KIF1A: variants seen among roughly 807,000 people sequenced by gnomAD.
KIF1A encodes the protein kinesin-like protein KIF1A.
KIF1A carries 46 observed loss-of-function variants against 227.3 expected under a neutral mutation model. The observed-to-expected ratio is 0.20, with a 90% confidence interval of 0.16 to 0.26. The LOEUF (loss-of-function observed/expected upper bound fraction) is 0.26. Among genes scored for constraint, KIF1A ranks in the 10% least tolerant of loss-of-function variants. KIF1A has a pLI of 1.00. For missense variants in KIF1A, 1,683 were observed against 2,485.9 expected, an observed-to-expected ratio of 0.68 and a Z score of 6.87; for synonymous variants, 1,022 against 1,012.8, an observed-to-expected ratio of 1.01 and a Z score of -0.17.
In KIF1A at chr2:240,770,879, G is replaced by A. The variant is rs985860441; in HGVS notation, c.1341+92C>T. On this transcript the variant is annotated intron_variant, in intron 15 of 48. Coordinates refer to ENST00000498729, the MANE Select transcript of KIF1A (RefSeq NM_001244008.2). The stretch of plus-strand genomic sequence containing the variant: ...CTCCACAATGGCCCTATGAGGATGG[G>A]CTGTACCCAGGAGGGCAGGGTGCCT... The A allele has an allele frequency of 8.8e-6, 13 of 1,469,964 alleles. No individual in the cohort carries two copies. In the African/African-American group the frequency reaches 1.8e-4, roughly 20 times the overall value. The allele number at this position is 1,469,964 out of a possible 1,614,324, so 91.1% of individuals were successfully genotyped here.
rs185575619 is a variant in KIF1A, at chr2:240,775,239, G to A, written c.958+612C>T. Among the ~76,000 whole-genome samples the A allele has an allele frequency of 1.3e-5, 2 of 152,298 alleles. No homozygotes were observed. Among genetic ancestry groups the A allele is most frequent in the African/African-American group, 2.4e-5 (1 of 41,576 alleles). The stretch of plus-strand genomic sequence containing the variant: ...AGGGCTCTGCACACCTCAGCCATGC[G>A]GCTGAGGGAGGCCAGGGACCCCCAG... On this transcript the variant is annotated intron_variant, in intron 11 of 48. Transcript: ENST00000498729. This position sits in a 1 kb window ranked among gnomAD's most constrained non-coding sequence, Gnocchi z 5.5.
intron 27 of KIF1A, among the ~76,000 whole-genome samples, chr2:240,750,809 G>A (rs951556793): frequency 6.6e-5 from 10 of 151,412 alleles, no homozygotes; most frequent in South Asian, 4.2e-4. Flanking sequence ...AGCTGGGCCC[G>A]GACCTGGCTG....
intron 1 of KIF1A, among the ~76,000 whole-genome samples, chr2:240,805,774 A>C (rs1238128826): frequency 6.6e-6 from 1 of 152,256 alleles, no homozygotes; most frequent in Non-Finnish European, 1.5e-5. Flanking sequence ...GTATAAAATG[A>C]ATCATGTAAT....
chr2:240,801,835 T>G (rs1365733677), intron 1 of KIF1A, among the ~76,000 whole-genome samples: 1 of 152,214 alleles, frequency 6.6e-6, no homozygotes, highest in Non-Finnish European at 1.5e-5. Flanking sequence ...CCTCCAGAAC[T>G]GTGAAAAATA....
Position 240,745,823 on chromosome 2 carries a change from G to C in KIF1A, c.3289C>G (p.Leu1097Val). Residue 1097 changes from leucine to valine, a missense_variant, in exon 31 of 49, where the codon CTG (leucine) becomes GTG (valine). Physicochemically the swap from Leu to Val is conservative, Grantham distance 32. Around this residue, in one of 12 missense-constraint regions of KIF1A, gnomAD observed 759 missense variants for 1,020.2 expected, o/e 0.74. Coordinates refer to ENST00000498729, the MANE Select transcript of KIF1A (RefSeq NM_001244008.2). ...PLDAALDHLR[L>V]GNTFTFRVTV... Reference sequence around the variant, plus strand: ...ACACGGAAGGTGAAGGTGTTGCCCAGGCGGAGGTGGTCCAGGGCAGCATCC... The same window carrying C: ...ACACGGAAGGTGAAGGTGTTGCCCACGCGGAGGTGGTCCAGGGCAGCATCC... 6.2e-7 allele frequency: 1 copy of C among 1,612,938 alleles called. No individual in the cohort carries two copies. Among genetic ancestry groups the C allele is most frequent in the Non-Finnish European group, 8.5e-7 (1 of 1,179,686 alleles).
intron 17 of KIF1A, among the ~76,000 whole-genome samples, 184 bp from the exon 18 acceptor site, chr2:240,767,529 G>A (rs1034999368): frequency 2.6e-5 from 4 of 152,212 alleles, no homozygotes; most frequent in Non-Finnish European, 4.4e-5. Context: ...AGCTCAAGCC[G>A]AAGGCCCAGC....
intron 12 of KIF1A, among the ~76,000 whole-genome samples, chr2:240,773,835 A>T (rs1420907969): frequency 6.6e-6 from 1 of 151,258 alleles, no homozygotes; most frequent in African/African-American, 2.4e-5. Flanking sequence ...CCCATAAGAC[A>T]CACCTATGTC....
chr2:240,749,930 C>T (rs2049022107), intron 28 of KIF1A, among the ~76,000 whole-genome samples: 1 of 152,144 alleles, frequency 6.6e-6, no homozygotes, highest in African/African-American at 2.4e-5. Context: ...TGAGCAGGGC[C>T]CAGGGGCCAG....
chr2:240,798,171 G>A (rs992094250), intron 1 of KIF1A: 3 of 178,806 alleles, frequency 1.7e-5, no homozygotes. Flanking sequence ...CCAGGTCCGC[G>A]CAGGCCCCAA....
chr2:240,816,330 ATGTG>A (rs1204493111), intron 1 of KIF1A, among the ~76,000 whole-genome samples: 1 of 151,652 alleles, frequency 6.6e-6, no homozygotes, highest in Non-Finnish European at 1.5e-5. Flanking sequence ...GTGTGCGTGC[ATGTG>A]TGTGTCAGTG....
intron 27 of KIF1A, 44 bp from the exon 28 acceptor site, chr2:240,750,591 C>T (rs1286872976): frequency 7.0e-7 from 1 of 1,423,280 alleles, no homozygotes; most frequent in Admixed American, 1.7e-5. Context: ...CCCCTCCACG[C>T]ATGTTCTGAA....
At position 240,789,472 on chromosome 2, in the gene KIF1A, T is replaced by G. The variant is rs186876915; in HGVS notation, c.107-160A>C. ...ACCTAGGACCCCACTCCCAGGCAGA[T>G]GAGCTGTCTCTGCCCCCTCCTTATG... is the stretch of plus-strand genomic sequence containing the variant. On this transcript the variant is annotated intron_variant, in intron 2 of 48. Transcript: ENST00000498729. This position sits in a 1 kb window ranked among gnomAD's most constrained non-coding sequence, Gnocchi z 4.8. Among the ~76,000 whole-genome samples the G allele has an allele frequency of 6.6e-6, 1 of 152,176 alleles. No individual in the cohort carries two copies. Among genetic ancestry groups the G allele is most frequent in the Non-Finnish European group, 1.5e-5 (1 of 68,016 alleles).
In KIF1A at chr2:240,758,121, G is replaced by A; in HGVS notation, c.2582+239C>T. On this transcript the variant is annotated intron_variant, in intron 26 of 48. Transcript: ENST00000498729. The surrounding 1 kb of genome is among the most constrained non-coding windows in gnomAD (Gnocchi z 5.2). The stretch of plus-strand genomic sequence containing the variant: ...GTTCTGGCGGCTACAGCCCTGCAGT[G>A]GGTTTGGGTGGCAGTGCCAAGACCC... Among the ~76,000 whole-genome samples the A allele has an allele frequency of 6.6e-6, 1 of 152,224 alleles. No homozygotes were observed. The highest frequency in any genetic ancestry group is 2.1e-4 in the South Asian group (1 of 4,824).
Position 240,734,389 on chromosome 2 carries a change from G to A in KIF1A, c.4007+2674C>T, listed in dbSNP as rs1386949615. ...TCCACAGGGCAGGGTGTGGCGCGGGGCAGGCAAGGCTGGGGCAGGAGGAGC... is the reference window on the plus strand; with the variant it reads ...TCCACAGGGCAGGGTGTGGCGCGGGACAGGCAAGGCTGGGGCAGGAGGAGC... On this transcript the variant is annotated intron_variant, in intron 38 of 48. Transcript: ENST00000498729. 2.0e-5 allele frequency among the ~76,000 whole-genome samples: 3 copies of A among 152,174 alleles called. No individual in the cohort carries two copies. In the East Asian group the frequency reaches 5.8e-4, roughly 29 times the overall value.
In KIF1A at chr2:240,745,851, G is replaced by A. The variant is rs867906794; in HGVS notation, c.3261C>T (p.Pro1087=). The A allele has an allele frequency of 1.9e-6, 3 of 1,612,534 alleles. No individual in the cohort carries two copies. Among genetic ancestry groups the A allele is most frequent in the Non-Finnish European group, 2.5e-6 (3 of 1,179,482 alleles). Reference sequence around the variant, plus strand: ...GGAGGTGGTCCAGGGCAGCATCCAGGGGCCCATCCAGGGCGGCTTTCTCAG... The same window carrying A: ...GGAGGTGGTCCAGGGCAGCATCCAGAGGCCCATCCAGGGCGGCTTTCTCAG... ...DSSEKAALDG[P]LDAALDHLRL... Residue 1087 remains proline (P), a synonymous_variant, in exon 31 of 49, where the codon CCC becomes CCT. Transcript: ENST00000498729.
intron 1 of KIF1A, among the ~76,000 whole-genome samples, chr2:240,813,596 A>G (rs2058116298): frequency 6.6e-6 from 1 of 152,052 alleles, no homozygotes; most frequent in Non-Finnish European, 1.5e-5. Flanking sequence ...CCTCATTCTG[A>G]TATGCAGGGG....
At position 240,740,147 on chromosome 2, in the gene KIF1A, C is replaced by T; in HGVS notation, c.3817-5G>A. 6.3e-7 allele frequency: 1 copy of T among 1,589,248 alleles called. No individual in the cohort carries two copies. Among genetic ancestry groups the T allele is most frequent in the African/African-American group, 1.3e-5 (1 of 74,494 alleles). On this transcript the variant is annotated splice_polypyrimidine_tract_variant and splice_region_variant and intron_variant, in intron 36 of 48. Transcript: ENST00000498729. The surrounding 1 kb of genome is among the most constrained non-coding windows in gnomAD (Gnocchi z 6.1). ...CGTAATCCGTCGCTGGATGCCCTGC[C>T]GGTGCCAGGTGAGAGGATATGGTCA... is the stretch of plus-strand genomic sequence containing the variant.
chr2:240,769,335 C>A, intron 16 of KIF1A, 127 bp from the exon 17 acceptor site: 1 of 762,980 alleles, frequency 1.3e-6, no homozygotes. Flanking sequence ...ATGCGTGTCC[C>A]ATCTGGTCAC....
rs113720520 is a variant in KIF1A at position 240,741,081 on chromosome 2, C to G, written c.3749+188G>C. 6.8e-4 allele frequency among the ~76,000 whole-genome samples: 104 copies of G among 152,282 alleles called. 2 individuals carry two copies. The highest frequency in any genetic ancestry group is 2.4e-3 in the African/African-American group (101 of 41,562). ...CTCCCTGCCCCTCATGCCAGCTCCT[C>G]CAGGACTTTGTCTGCTTTTACTCCC... On this transcript the variant is annotated intron_variant, in intron 35 of 48. Coordinates refer to ENST00000498729, the MANE Select transcript of KIF1A (RefSeq NM_001244008.2).
Sources: allele counts gnomAD v4.1 joint callset (sites outside exome capture counted in the v4.1 genomes callset), GRCh38; gene constraint gnomAD v4.1.1; regional missense constraint gnomAD v4.1.1; non-coding constraint Gnocchi (gnomAD v3.1); transcripts MANE v1.5; gene names NCBI Gene and HGNC (gene_info 2026-07-23, HGNC 2026-07-21).